The following HMGN5 variants were observed in gnomAD, a reference collection of about 807,000 sequenced individuals.
HMGN5 encodes high mobility group nucleosome-binding domain-containing protein 5.
In HMGN5, 4 loss-of-function variants were observed where a neutral mutation model predicts 9.5. The observed-to-expected ratio is 0.42, with a 90% CI of 0.21 to 0.96. HMGN5 has a LOEUF of 0.96. Ranked by LOEUF, HMGN5 falls within the 40% of genes least tolerant of loss-of-function variation. The pLI is 0.30. For synonymous variants in HMGN5, 55 were observed against 57.1 expected, an observed-to-expected ratio of 0.96 and a Z score of 0.16; for missense variants, 192 against 187.5, an observed-to-expected ratio of 1.02 and a Z score of -0.14.
At chrX:81,115,379 A>G (rs2075250502) in intron 6 of HMGN5, 149 bp from the exon 7 acceptor site, 1 of 620,444 alleles carries the variant, frequency 1.6e-6, no homozygotes, top group Non-Finnish European at 2.2e-6. Flanking sequence ...AGCCTGCTAA[A>G]TATCACATTA....
chrX:81,125,906 GGGACGCTGAGGCGGGTGGATCAC>G (rs1364522449), intron 1 of HMGN5, among the ~76,000 whole-genome samples: 2 of 110,948 alleles, frequency 1.8e-5, no homozygotes, highest in African/African-American at 6.6e-5. Flanking sequence ...CCAGCTCTTT[GGGACGCTGAGGCGGGTGGATCAC>G]CTGAGGTGAA....
chrX:81,181,935 G>A (rs1441595829), intron 1 of HMGN5, among the ~76,000 whole-genome samples: 2 of 111,937 alleles, frequency 1.8e-5, no homozygotes, highest in Admixed American at 9.5e-5. Context: ...TCGATATACT[G>A]ATTTCCTTTC....
intron 1 of HMGN5, among the ~76,000 whole-genome samples, chrX:81,124,990 G>A (rs910342174): frequency 1.8e-5 from 2 of 110,288 alleles, no homozygotes; most frequent in African/African-American, 6.6e-5. Flanking sequence ...TATTGACAGA[G>A]AATCCAAAAG....
chrX:81,135,746 A>G (rs1208216400), intron 1 of HMGN5, among the ~76,000 whole-genome samples: 1 of 110,757 alleles, frequency 9.0e-6, no homozygotes, highest in Non-Finnish European at 1.9e-5. Context: ...AGAGGGAACA[A>G]TATTCTAAAA....
chrX:81,186,095 G>GT (rs761090288), intron 1 of HMGN5, among the ~76,000 whole-genome samples: 56 of 111,152 alleles, frequency 5.0e-4, no homozygotes, highest in African/African-American at 1.4e-3. Flanking sequence ...ATGTGTCTTT[G>GT]TTTTTTTGTA....
At chrX:81,192,576 C>A (rs1208739583) in intron 1 of HMGN5, among the ~76,000 whole-genome samples, 1 of 111,740 alleles carries the variant, frequency 8.9e-6, no homozygotes, top group Non-Finnish European at 1.9e-5. Context: ...TTCTGTTGTT[C>A]TTCACTTCTT....
intron 1 of HMGN5, among the ~76,000 whole-genome samples, chrX:81,181,245 A>G (rs1197877950): frequency 3.6e-5 from 4 of 111,747 alleles, no homozygotes; most frequent in Non-Finnish European, 7.5e-5. Context: ...ACACATCTTT[A>G]ACACCAAACC....
chrX:81,114,991 A>G lies in HMGN5; in HGVS notation c.507T>C (p.Asp169=), dbSNP rs1168470551. The G allele has an allele frequency of 1.8e-5, 20 of 1,122,457 alleles. No homozygotes were observed. Among genetic ancestry groups the G allele is most frequent in the Non-Finnish European group, 2.3e-5 (20 of 856,128 alleles). 92.5% of individuals were successfully genotyped at this position (1,122,457 alleles called of 1,213,427 possible). The change falls in exon 7 of 7, where the codon GAT becomes GAC. Residue 169 remains aspartate, a synonymous_variant. Coordinates refer to ENST00000358130, the MANE Select transcript of HMGN5 (RefSeq NM_030763.3). ...TTTTTCCATCTTCTTTCTCTTTTGCATCTTCTCCTTTCTCATTTCCATTTT... is the reference window on the plus strand; with the variant it reads ...TTTTTCCATCTTCTTTCTCTTTTGCGTCTTCTCCTTTCTCATTTCCATTTT... ...EDKNGNEKGE[D]AKEKEDGKKG...
At chrX:81,159,320 G>A (rs1569347359) in intron 1 of HMGN5, among the ~76,000 whole-genome samples, 4 of 111,106 alleles carry the variant, frequency 3.6e-5, no homozygotes, top group Admixed American at 9.6e-5. Flanking sequence ...GATAGGTGCA[G>A]CAAACCACCA....
intron 1 of HMGN5, among the ~76,000 whole-genome samples, chrX:81,144,884 G>A (rs1302563809): frequency 9.0e-6 from 1 of 111,538 alleles, no homozygotes; most frequent in Non-Finnish European, 1.9e-5. Flanking sequence ...TCGATCAAGT[G>A]GAAGAAATGA....
chrX:81,141,885 C>T (rs770792676), intron 1 of HMGN5, among the ~76,000 whole-genome samples: 1 of 112,007 alleles, frequency 8.9e-6, no homozygotes, highest in Admixed American at 9.5e-5. Flanking sequence ...CCTGGAGAAA[C>T]ATATCTATAT....
At chrX:81,183,663 GA>G (rs1450687294) in intron 1 of HMGN5, among the ~76,000 whole-genome samples, 1 of 113,027 alleles carries the variant, frequency 8.8e-6, no homozygotes. Flanking sequence ...AGCCCTCATG[GA>G]GAACCTCTGC....
chrX:81,197,200 C>G (rs757503817), intron 1 of HMGN5, among the ~76,000 whole-genome samples: 10 of 112,127 alleles, frequency 8.9e-5, no homozygotes, highest in Admixed American at 1.9e-4. Context: ...ACAAGCAATT[C>G]ATTAAAATAT....
intron 1 of HMGN5, among the ~76,000 whole-genome samples, chrX:81,150,191 T>C (rs774728135): frequency 4.5e-5 from 5 of 111,913 alleles, no homozygotes; most frequent in African/African-American, 6.5e-5. Context: ...TTTTCTAAAA[T>C]TGAAATAATA....
At chrX:81,149,663 T>G (rs181984030) in intron 1 of HMGN5, among the ~76,000 whole-genome samples, 82 of 111,577 alleles carry the variant, frequency 7.3e-4, no homozygotes, top group African/African-American at 2.4e-3. Flanking sequence ...CTGAAAGAAA[T>G]ACAATTCACC....
intron 1 of HMGN5, among the ~76,000 whole-genome samples, chrX:81,169,027 C>T (rs1344350542): frequency 2.7e-5 from 3 of 111,478 alleles, no homozygotes; most frequent in Non-Finnish European, 3.8e-5. Flanking sequence ...GGACAGTGGT[C>T]TTTGAACATA....
intron 1 of HMGN5, among the ~76,000 whole-genome samples, chrX:81,123,064 T>C (rs2075273748): frequency 9.0e-6 from 1 of 111,227 alleles, no homozygotes; most frequent in African/African-American, 3.3e-5. Context: ...TTTATGTAGG[T>C]TAAAAAATTT....
At chrX:81,142,317 G>A (rs1263332523) in intron 1 of HMGN5, among the ~76,000 whole-genome samples, 1 of 111,575 alleles carries the variant, frequency 9.0e-6, no homozygotes, top group Non-Finnish European at 1.9e-5. Flanking sequence ...TAATATCATA[G>A]AACTTCTGAA....
intron 1 of HMGN5, among the ~76,000 whole-genome samples, chrX:81,182,499 G>C (rs2075465677): frequency 8.9e-6 from 1 of 111,748 alleles, no homozygotes; most frequent in Non-Finnish European, 1.9e-5. Context: ...CATTGGAGCT[G>C]TTGTTGTGAT....
Sources: allele counts gnomAD v4.1 joint callset (sites outside exome capture counted in the v4.1 genomes callset), GRCh38; gene constraint gnomAD v4.1.1; transcripts MANE v1.5; gene names NCBI Gene and HGNC (gene_info 2026-07-23, HGNC 2026-07-21).